ENDOV: variants seen among roughly 807,000 people sequenced by gnomAD.
ENDOV encodes the protein endonuclease V, also known as hEndoV.
ENDOV carries 37 observed loss-of-function variants against 39.4 expected under a neutral mutation model. That is an observed-to-expected ratio of 0.94 (90% CI 0.72 to 1.23). The LOEUF (loss-of-function observed/expected upper bound fraction) is 1.23, where lower values mean the gene tolerates loss of function less well. Among genes scored for constraint, ENDOV ranks in the 50% most tolerant of loss-of-function variants. The pLI is 0.00. For missense variants in ENDOV, 441 were observed against 375.7 expected, an observed-to-expected ratio of 1.17 and a Z score of -1.44; for synonymous variants, 186 against 163.4, an observed-to-expected ratio of 1.14 and a Z score of -1.05.
Position 80,428,628 on chromosome 17 carries a change from G to A in ENDOV, c.747G>A (p.Lys249=). Residue 249 remains lysine, a synonymous_variant, in exon 8 of 10, where the codon AAG becomes AAA. Transcript: ENST00000518137. The stretch of plus-strand genomic sequence containing the variant: ...TCTGCTCCCGAGAGCACATCCGCAA[G>A]TCGCTGGGACTCCCCGGGCCACCCA... The part of the protein sequence containing the change: ...ADICSREHIR[K]SLGLPGPPTP... The A allele has an allele frequency of 3.2e-6, 5 of 1,586,250 alleles. No individual in the cohort carries two copies. Among genetic ancestry groups the A allele is most frequent in the Non-Finnish European group, 4.3e-6 (5 of 1,166,788 alleles).
At chr17:80,430,240 T>TC in intron 9 of ENDOV, 1 of 1,471,458 alleles carries the variant, frequency 6.8e-7, no homozygotes, top group Admixed American at 2.4e-5. Flanking sequence ...TGAGACGCTT[T>TC]CCCGGAGCCG....
intron 2 of ENDOV, chr17:80,419,533 G>C: frequency 1.4e-6 from 1 of 700,412 alleles, no homozygotes; most frequent in Non-Finnish European, 2.6e-6. Context: ...TGGCTAGTGT[G>C]TTCTGCTCCG....
At chr17:80,429,564 C>T (rs865953923) in intron 8 of ENDOV, among the ~76,000 whole-genome samples, 5 of 152,288 alleles carry the variant, frequency 3.3e-5, no homozygotes, top group Middle Eastern at 3.4e-3. Flanking sequence ...GTGGCGGGGA[C>T]CCCCCAAGCT....
At chr17:80,423,781 C>T (rs1399549250) in intron 5 of ENDOV, 149 bp downstream of exon 5, 2 of 739,908 alleles carry the variant, frequency 2.7e-6, no homozygotes, top group East Asian at 5.6e-5. Flanking sequence ...GAAAGACCTG[C>T]TTTCCTCTGG....
chr17:80,422,361 T>A (rs993702596), intron 4 of ENDOV, 116 bp downstream of exon 4: 2 of 1,255,728 alleles, frequency 1.6e-6, no homozygotes, highest in African/African-American at 3.0e-5. Context: ...GCCAGCCCCC[T>A]CCAATGGCTT....
chr17:80,428,195 A>G lies in ENDOV; in HGVS notation c.715-401A>G, dbSNP rs377612176. On this transcript the variant is annotated intron_variant, in intron 7 of 9. Transcript: ENST00000518137. The stretch of plus-strand genomic sequence containing the variant: ...CAGACCAGCTGGGCTCAGAGCCCCC[A>G]GAGAAGCAAGTGTTAGCAGGGAAGC... 2.2e-4 allele frequency among the ~76,000 whole-genome samples: 34 copies of G among 152,356 alleles called. No individual in the cohort carries two copies. In the South Asian group the frequency reaches 6.8e-3, roughly 31 times the overall value.
chr17:80,421,961 A>T lies in ENDOV; in HGVS notation c.362A>T (p.Gln121Leu). ...GAGAAGGAGCCGGGCCTCATGCCCC[A>T]GGCAGGTGTCTCATCCCTAGGACGA... ...LREKEPGLMP[Q>L]VLLVDGNGVL... The change falls in exon 3 of 10, where the codon CAG (glutamine) becomes CTG (leucine). Residue 121 changes from glutamine (Q) to leucine (L), a missense_variant and splice_region_variant. Physicochemically the swap from Gln to Leu is moderately radical, Grantham distance 113. Transcript: ENST00000518137. 6.2e-7 allele frequency: 1 copy of T among 1,608,112 alleles called. No homozygotes were observed. The highest frequency in any genetic ancestry group is 8.5e-7 in the Non-Finnish European group (1 of 1,179,604).
chr17:80,415,607 T>A, intron 1 of ENDOV, 43 bp from the exon 2 acceptor site: 1 of 1,597,626 alleles, frequency 6.3e-7, no homozygotes, highest in Non-Finnish European at 8.5e-7. Context: ...AGGCAGAGTC[T>A]GAGGTGTGAC....
At chr17:80,428,904 C>G (rs1005812130) in intron 8 of ENDOV, among the ~76,000 whole-genome samples, 2 of 152,220 alleles carry the variant, frequency 1.3e-5, no homozygotes, top group African/African-American at 2.4e-5. Flanking sequence ...CCTGGAACTA[C>G]GGCCCTGTCT....
chr17:80,433,111 C>A (rs2083426739), intron 9 of ENDOV: 2 of 519,972 alleles, frequency 3.8e-6, no homozygotes, highest in Non-Finnish European at 7.7e-6. Context: ...CTGTCCAGAG[C>A]TCCGGGAGCA....
intron 6 of ENDOV, 111 bp downstream of exon 6, chr17:80,425,211 C>G: frequency 2.1e-6 from 2 of 950,056 alleles, no homozygotes; most frequent in Non-Finnish European, 3.2e-6. Context: ...CACATCAACC[C>G]CCCGCCTGCC....
intron 2 of ENDOV, among the ~76,000 whole-genome samples, chr17:80,421,183 C>G (rs545800742): frequency 2.0e-5 from 3 of 151,260 alleles, no homozygotes; most frequent in South Asian, 2.1e-4. Context: ...GACCAGGTCC[C>G]GGAGGCTCCT....
At chr17:80,428,392 G>A in intron 7 of ENDOV, 1 of 587,020 alleles carries the variant, frequency 1.7e-6, no homozygotes, top group Non-Finnish European at 3.0e-6. Flanking sequence ...AGCTGCCATT[G>A]CGGGGCTTTG....
intron 5 of ENDOV, 102 bp from the exon 6 acceptor site, chr17:80,424,930 G>A: frequency 1.0e-6 from 1 of 969,166 alleles, no homozygotes; most frequent in Non-Finnish European, 1.6e-6. Context: ...ACTTCAGCCT[G>A]GGCAACAGTG....
At chr17:80,433,076 GC>G (rs1356869920) in intron 9 of ENDOV, 4 of 519,418 alleles carry the variant, frequency 7.7e-6, no homozygotes, top group Admixed American at 3.9e-5. Context: ...CCCACAGAAT[GC>G]CCTCCTGACT....
Position 80,436,516 on chromosome 17 carries a change from C to A in ENDOV, c.*373C>A. ...GGATTTTGTCAAATGCTTTTCTGGC[C>A]TCTATTGAAAAGATCCTGTGTTCTT... is the stretch of plus-strand genomic sequence containing the variant. On this transcript the variant is annotated 3_prime_UTR_variant, in exon 10 of 10. Transcript: ENST00000518137. The A allele has an allele frequency of 8.3e-6, 4 of 479,152 alleles. No individual in the cohort carries two copies. The highest frequency in any genetic ancestry group is 1.0e-5 in the Non-Finnish European group (3 of 298,254). 29.7% of individuals were successfully genotyped at this position (479,152 alleles called of 1,614,324 possible). A position where few individuals can be genotyped will look rare whatever the true frequency, so the allele number is the denominator to read the frequency against.
intron 8 of ENDOV, among the ~76,000 whole-genome samples, chr17:80,428,935 A>G (rs765648053): frequency 2.0e-5 from 3 of 152,176 alleles, no homozygotes; most frequent in Non-Finnish European, 4.4e-5. Flanking sequence ...CTACCTCCCA[A>G]TAGGGCTATC....
At chr17:80,429,862 C>G in intron 9 of ENDOV, 31 bp downstream of exon 9, 1 of 1,612,702 alleles carries the variant, frequency 6.2e-7, no homozygotes, top group Non-Finnish European at 8.5e-7. Context: ...GACCACAGCC[C>G]AGGCCCCAGG....
In ENDOV at chr17:80,436,536, G is replaced by T; in HGVS notation, c.*393G>T. ...CTGGCCTCTATTGAAAAGATCCTGT[G>T]TTCTTCTGTGAATATGAGGTGTTAC... On this transcript the variant is annotated 3_prime_UTR_variant, in exon 10 of 10. Transcript: ENST00000518137. 5.0e-6 allele frequency: 2 copies of T among 400,904 alleles called. No homozygotes were observed. The highest frequency in any genetic ancestry group is 8.6e-6 in the Non-Finnish European group (2 of 231,672). The allele number at this position is 400,904 out of a possible 1,614,324, so 24.8% of individuals were successfully genotyped here. A position where few individuals can be genotyped will look rare whatever the true frequency, so the allele number is the denominator to read the frequency against.
Sources: gnomAD v4.1 joint callset for allele counts (sites outside exome capture counted in the v4.1 genomes callset) on GRCh38, gnomAD v4.1.1 for gene constraint, MANE v1.5 for transcripts, NCBI Gene and HGNC (gene_info 2026-07-23, HGNC 2026-07-21) for gene names.